Variants in N4BP2 observed in about 807,000 individuals in gnomAD.
The protein encoded by N4BP2 is NEDD4-binding protein 2.
Under a neutral mutation model 152.8 loss-of-function variants are expected in N4BP2, and 91 were observed. That is an observed-to-expected ratio of 0.60 (90% CI 0.50 to 0.71). N4BP2 has a LOEUF of 0.71. Among genes scored for constraint, N4BP2 ranks in the 30% least tolerant of loss-of-function variants. N4BP2 has a pLI of 0.00. For missense variants in N4BP2, 1,923 were observed against 2,059.1 expected, an observed-to-expected ratio of 0.93 and a Z score of 1.28; for synonymous variants, 646 against 705.3, an observed-to-expected ratio of 0.92 and a Z score of 1.33.
At position 40,142,654 on chromosome 4, in the gene N4BP2, A is replaced by C; in HGVS notation, c.4786-19A>C. 1 of 1,556,894 alleles carries C rather than the reference A, an allele frequency of 6.4e-7. No homozygotes were observed. The highest frequency in any genetic ancestry group is 8.7e-7 in the Non-Finnish European group (1 of 1,146,736). ...TTTTAACTTTCTGTGTGTGTTACTT[A>C]TTGTTTAATATCTTATAGCCAAAGA... On this transcript the variant is annotated intron_variant, in intron 14 of 17. Coordinates refer to ENST00000261435, the MANE Select transcript of N4BP2 (RefSeq NM_018177.6).
Position 40,118,066 on chromosome 4 carries a change from T to C in N4BP2, c.1820+42T>C. On this transcript the variant is annotated intron_variant, in intron 8 of 17. Coordinates refer to ENST00000261435, the MANE Select transcript of N4BP2 (RefSeq NM_018177.6). Reference sequence around the variant, plus strand: ...TATGTACAAAATTCAATTTGAAATATAATTTTTAAAAGGTATAATTTTGGA... The same window carrying C: ...TATGTACAAAATTCAATTTGAAATACAATTTTTAAAAGGTATAATTTTGGA... 2.1e-6 allele frequency: 3 copies of C among 1,444,564 alleles called. No individual in the cohort carries two copies. The South Asian group carries it at 4.3e-5, about 21-fold the overall frequency. 89.5% of individuals were successfully genotyped at this position (1,444,564 alleles called of 1,614,324 possible).
intron 7 of N4BP2, among the ~76,000 whole-genome samples, chr4:40,114,390 T>TC (rs1246604878): frequency 6.6e-6 from 1 of 152,126 alleles, no homozygotes; most frequent in Non-Finnish European, 1.5e-5. Context: ...TTACTCTAGT[T>TC]CCCCCCTCCT....
intron 5 of N4BP2, among the ~76,000 whole-genome samples, chr4:40,107,498 C>T (rs1716421693): frequency 6.6e-6 from 1 of 151,990 alleles, no homozygotes; most frequent in Non-Finnish European, 1.5e-5. Flanking sequence ...ATTCTTCTGC[C>T]TCAGCTTCCT....
At chr4:40,069,877 T>G (rs1238614377) in intron 1 of N4BP2, among the ~76,000 whole-genome samples, 2 of 152,190 alleles carry the variant, frequency 1.3e-5, no homozygotes, top group Non-Finnish European at 2.9e-5. Context: ...GTTGTACCAC[T>G]GCACTCCAGC....
the N4BP2 span, among the ~76,000 whole-genome samples, chr4:40,171,911 C>T: frequency 6.6e-6 from 1 of 152,216 alleles, no homozygotes; most frequent in South Asian, 2.1e-4. Context: ...CTAAGCCAGT[C>T]TAGTCTTTTT....
intron 9 of N4BP2, 144 bp from the exon 10 acceptor site, chr4:40,122,983 A>T (rs1024545745): frequency 6.3e-5 from 34 of 542,040 alleles, no homozygotes; most frequent in Non-Finnish European, 2.3e-5. Context: ...AAATAGAAAT[A>T]CTCTAAGATT....
At chr4:40,126,499 TTTGC>T (rs1262778247) in intron 12 of N4BP2, among the ~76,000 whole-genome samples, 169 bp downstream of exon 12, 9 of 152,356 alleles carry the variant, frequency 5.9e-5, no homozygotes, top group African/African-American at 2.2e-4. Context: ...GCTGGAGGTT[TTTGC>T]TTCAGGGAAA....
At chr4:40,165,835 T>C in the N4BP2 span, among the ~76,000 whole-genome samples, 1 of 152,180 alleles carries the variant, frequency 6.6e-6, no homozygotes, top group African/African-American at 2.4e-5. Context: ...AAATTAGTTT[T>C]CCCTTCATAT....
At chr4:40,127,364 TGTGC>T (rs1718503825) in intron 12 of N4BP2, among the ~76,000 whole-genome samples, 1 of 151,638 alleles carries the variant, frequency 6.6e-6, no homozygotes, top group Admixed American at 6.6e-5. Flanking sequence ...ACCACAGGCA[TGTGC>T]CACCATGCCT....
chr4:40,168,598 C>A, the N4BP2 span, among the ~76,000 whole-genome samples: 1 of 151,664 alleles, frequency 6.6e-6, no homozygotes, highest in Non-Finnish European at 1.5e-5. Context: ...GATTTTACAC[C>A]TTTTTCAGAA....
At position 40,120,255 on chromosome 4, in the gene N4BP2, A is replaced by T; in HGVS notation, c.2144A>T (p.Asp715Val). Reference protein sequence around the residue: ...MVAVKGYSKTDTDSSMERVSP... With the variant: ...MVAVKGYSKTVTDSSMERVSP... The stretch of plus-strand genomic sequence containing the variant: ...GCTGTAAAAGGGTATAGTAAAACTG[A>T]CACAGATAGTTCTATGGAGAGAGTA... The change falls in exon 9 of 18, where the codon GAC becomes GTC. Residue 715 changes from aspartate to valine, a missense_variant. Transcript: ENST00000261435. 7 of 1,613,988 alleles carry T rather than the reference A, an allele frequency of 4.3e-6. No individual in the cohort carries two copies. Among genetic ancestry groups the T allele is most frequent in the Non-Finnish European group, 5.9e-6 (7 of 1,179,970 alleles).
chr4:40,126,114 G>A lies in N4BP2; in HGVS notation c.4331-20G>A. On this transcript the variant is annotated intron_variant, in intron 11 of 17. Coordinates refer to ENST00000261435, the MANE Select transcript of N4BP2 (RefSeq NM_018177.6). ...TACATTTATTGTTGAGAGTATGACA[G>A]TATTTATACTACTTTGTAGATCCTT... is the stretch of plus-strand genomic sequence containing the variant. 6.9e-7 allele frequency: 1 copy of A among 1,458,738 alleles called. No homozygotes were observed. The allele number at this position is 1,458,738 out of a possible 1,614,324, so 90.4% of individuals were successfully genotyped here.
intron 1 of N4BP2, among the ~76,000 whole-genome samples, chr4:40,058,176 T>C (rs758010674): frequency 2.0e-5 from 3 of 152,236 alleles, no homozygotes; most frequent in Admixed American, 6.5e-5. Flanking sequence ...ATCAGCCTTT[T>C]CACTCCGTTT....
chr4:40,057,823 A>T (rs1733335332), intron 1 of N4BP2, among the ~76,000 whole-genome samples: 1 of 152,058 alleles, frequency 6.6e-6, no homozygotes, highest in Admixed American at 6.5e-5. Context: ...TGTAGATGAC[A>T]GGTCAGTGTC....
intron 1 of N4BP2, among the ~76,000 whole-genome samples, chr4:40,072,242 A>ATTTTT (rs34754962): frequency 4.3e-5 from 5 of 117,558 alleles, no homozygotes; most frequent in South Asian, 2.8e-4. Flanking sequence ...TGCCTGGCTA[A>ATTTTT]TTTTTTTTTT....
chr4:40,169,737 G>T, the N4BP2 span, among the ~76,000 whole-genome samples: 1 of 151,310 alleles, frequency 6.6e-6, no homozygotes. Context: ...GGCCGAGGTG[G>T]GTGGATCACC....
At chr4:40,123,400 T>C (rs999028457) in intron 10 of N4BP2, among the ~76,000 whole-genome samples, 188 bp downstream of exon 10, 3 of 152,226 alleles carry the variant, frequency 2.0e-5, no homozygotes, top group Admixed American at 6.5e-5. Context: ...GTCTTTTTTT[T>C]TCTCTCTTTT....
At chr4:40,090,052 C>T (rs2109936685) in intron 2 of N4BP2, among the ~76,000 whole-genome samples, 1 of 152,230 alleles carries the variant, frequency 6.6e-6, no homozygotes, top group South Asian at 2.1e-4. Flanking sequence ...TATTGAATTG[C>T]TTTTGCACCA....
the N4BP2 span, among the ~76,000 whole-genome samples, chr4:40,181,388 C>T: frequency 2.0e-5 from 3 of 152,140 alleles, no homozygotes; most frequent in Admixed American, 2.0e-4. Flanking sequence ...ACTAGCTCAT[C>T]TTGTAGATTA....
Sources: allele counts gnomAD v4.1 joint callset (sites outside exome capture counted in the v4.1 genomes callset), GRCh38; gene constraint gnomAD v4.1.1; transcripts MANE v1.5; gene names NCBI Gene and HGNC (gene_info 2026-07-23, HGNC 2026-07-21).